BASP1: variants seen among roughly 807,000 people sequenced by gnomAD.
BASP1 encodes brain acid soluble protein 1.
BASP1 carries 1 observed loss-of-function variant against 2.2 expected under a neutral mutation model. The ratio of observed to expected loss-of-function variants is 0.46; its 90% confidence interval spans 0.16 to 2.17. The LOEUF is 2.17. Ranked by LOEUF, BASP1 falls within the 30% of genes most tolerant of loss-of-function variation. The pLI is 0.27. For synonymous variants in BASP1, 187 were observed against 154.2 expected (o/e 1.21, Z -1.58); for missense variants, 352 against 327.2 (o/e 1.08, Z -0.58).
intron 1 of BASP1, among the ~76,000 whole-genome samples, chr5:17,237,654 C>T (rs1396239746): frequency 6.7e-6 from 1 of 148,380 alleles, no homozygotes; most frequent in Non-Finnish European, 1.5e-5. Flanking sequence ...TGGAGTCTCG[C>T]TCTGCCACTC....
At chr5:17,271,645 G>T (rs1320852906) in intron 1 of BASP1, among the ~76,000 whole-genome samples, 1 of 152,164 alleles carries the variant, frequency 6.6e-6, no homozygotes, top group African/African-American at 2.4e-5. Flanking sequence ...GACTTTTTTA[G>T]TTGAAGTGAC....
At position 17,275,495 on chromosome 5, in the gene BASP1, G is replaced by A. The variant is rs1255906797; in HGVS notation, c.279G>A (p.Ala93=). Residue 93 remains alanine, a synonymous_variant, in exon 2 of 2, where the codon GCG becomes GCA. Coordinates refer to ENST00000322611, the MANE Select transcript of BASP1 (RefSeq NM_006317.5). The surrounding 1 kb of genome is among the most constrained non-coding windows in gnomAD (Gnocchi z 5.3). ...PKAEPEKTEG[A]AEAKAEPPKA... ...CGGAGCCCGAGAAGACGGAGGGCGC[G>A]GCAGAGGCCAAGGCTGAGCCCCCGA... is the stretch of plus-strand genomic sequence containing the variant. 6.8e-7 allele frequency: 1 copy of A among 1,478,728 alleles called. No homozygotes were observed. Among genetic ancestry groups the A allele is most frequent in the East Asian group, 2.5e-5 (1 of 40,436 alleles). The allele number at this position is 1,478,728 out of a possible 1,614,324, so 91.6% of individuals were successfully genotyped here. A position where few individuals can be genotyped will look rare whatever the true frequency, so the allele number is the denominator to read the frequency against.
At chr5:17,235,650 C>G (rs536006238) in intron 1 of BASP1, among the ~76,000 whole-genome samples, 62 of 152,318 alleles carry the variant, frequency 4.1e-4, no homozygotes, top group African/African-American at 1.4e-3. Flanking sequence ...GCTCCTTTCT[C>G]TTGACTCCTG....
chr5:17,275,748 G>C lies in BASP1; in HGVS notation c.532G>C (p.Glu178Gln), dbSNP rs1191863739. The change falls in exon 2 of 2, where the codon GAG becomes CAG. Residue 178 changes from glutamate (E) to glutamine (Q), a missense_variant. Physicochemically the swap from Glu to Gln is conservative, Grantham distance 29. Coordinates refer to ENST00000322611, the MANE Select transcript of BASP1 (RefSeq NM_006317.5). The surrounding 1 kb of genome is among the most constrained non-coding windows in gnomAD (Gnocchi z 5.3). Reference protein sequence around the residue: ...PASDSKPGSSEAAPSSKETPA... With the variant: ...PASDSKPGSSQAAPSSKETPA... ...TTCAGACTCAAAACCCGGCAGCTCG[G>C]AGGCTGCCCCCTCTTCCAAGGAGAC... 1 of 1,612,254 alleles carries C rather than the reference G, an allele frequency of 6.2e-7. No individual in the cohort carries two copies. The highest frequency in any genetic ancestry group is 8.5e-7 in the Non-Finnish European group (1 of 1,179,520).
At chr5:17,265,183 A>G (rs1430034603) in intron 1 of BASP1, among the ~76,000 whole-genome samples, 1 of 152,242 alleles carries the variant, frequency 6.6e-6, no homozygotes, top group Non-Finnish European at 1.5e-5. Context: ...GACCCAGTGC[A>G]TGTAACCCCC....
At chr5:17,218,362 G>A (rs1188014641) in intron 1 of BASP1, among the ~76,000 whole-genome samples, 1 of 152,100 alleles carries the variant, frequency 6.6e-6, no homozygotes, top group Non-Finnish European at 1.5e-5. Context: ...TTTTGCTTTG[G>A]CAAACGGGTT....
intron 1 of BASP1, among the ~76,000 whole-genome samples, chr5:17,271,506 T>G (rs963544911): frequency 1.3e-5 from 2 of 152,194 alleles, no homozygotes; most frequent in African/African-American, 4.8e-5. Flanking sequence ...CATAAACACA[T>G]AGAACTGAGG....
intron 1 of BASP1, among the ~76,000 whole-genome samples, chr5:17,271,710 TAGA>T (rs1740532233): frequency 6.6e-6 from 1 of 152,192 alleles, no homozygotes; most frequent in South Asian, 2.1e-4. Flanking sequence ...ATTTTAATCT[TAGA>T]AGTTCCAACT....
intron 1 of BASP1, among the ~76,000 whole-genome samples, chr5:17,252,118 G>A (rs1740113570): frequency 6.6e-6 from 1 of 152,202 alleles, no homozygotes; most frequent in South Asian, 2.1e-4. Context: ...GGGACTTGGA[G>A]ATGAGAAAGC....
chr5:17,243,481 C>T (rs1217197086), intron 1 of BASP1, among the ~76,000 whole-genome samples: 2 of 152,086 alleles, frequency 1.3e-5, no homozygotes, highest in Non-Finnish European at 2.9e-5. Flanking sequence ...CTTCAGTTTC[C>T]GGTGTCTAAC....
At position 17,275,580 on chromosome 5, in the gene BASP1, G is replaced by C. The variant is rs12666; in HGVS notation, c.364G>C (p.Ala122Pro). ...GPAAGGEAPK[A>P]AEAAAAPAES... ...CGCTGCGGGCGGCGAGGCCCCCAAA[G>C]CTGCTGAGGCCGCCGCGGCCCCGGC... Residue 122 changes from alanine to proline, a missense_variant, in exon 2 of 2, where the codon GCT becomes CCT. Transcript: ENST00000322611. The surrounding 1 kb of genome is among the most constrained non-coding windows in gnomAD (Gnocchi z 5.3). 1 of 1,404,284 alleles carries C rather than the reference G, an allele frequency of 7.1e-7. No individual in the cohort carries two copies. Among genetic ancestry groups the C allele is most frequent in the African/African-American group, 1.5e-5 (1 of 65,192 alleles). 87.0% of individuals were successfully genotyped at this position (1,404,284 alleles called of 1,614,324 possible). A position where few individuals can be genotyped will look rare whatever the true frequency, so the allele number is the denominator to read the frequency against.
chr5:17,253,748 CTG>C (rs1330093421), intron 1 of BASP1, among the ~76,000 whole-genome samples: 4 of 152,154 alleles, frequency 2.6e-5, no homozygotes, highest in African/African-American at 7.2e-5. Flanking sequence ...TGACCACCAT[CTG>C]TGTGCATCCC....
At chr5:17,241,203 G>T (rs1037127280) in intron 1 of BASP1, among the ~76,000 whole-genome samples, 1 of 151,480 alleles carries the variant, frequency 6.6e-6, no homozygotes, top group South Asian at 2.1e-4. Flanking sequence ...AGATTCAAGC[G>T]ATTCTTGTGC....
chr5:17,219,855 A>G (rs1395895718), intron 1 of BASP1, among the ~76,000 whole-genome samples: 1 of 152,234 alleles, frequency 6.6e-6, no homozygotes, highest in Non-Finnish European at 1.5e-5. Flanking sequence ...ATGGGGGCAG[A>G]AAGAAGGCAG....
At chr5:17,217,953 G>A (rs1248788338) in intron 1 of BASP1, 143 bp downstream of exon 1, 1 of 152,122 alleles carries the variant, frequency 6.6e-6, no homozygotes, top group Non-Finnish European at 1.5e-5. Context: ...TGGACGGCAA[G>A]GGCCTGGGGT....
In BASP1 at chr5:17,276,531, A is replaced by G. The variant is rs1349820504; in HGVS notation, c.*631A>G. 6.0e-6 allele frequency: 1 copy of G among 166,590 alleles called. No individual in the cohort carries two copies. The highest frequency in any genetic ancestry group is 2.4e-5 in the African/African-American group (1 of 41,248). 10.3% of individuals were successfully genotyped at this position (166,590 alleles called of 1,614,324 possible). ...CTCCAGATATTTTTGGGAGTGACAA[A>G]CATTCTCTCATCCTACTTAGCCTAC... On this transcript the variant is annotated 3_prime_UTR_variant, in exon 2 of 2. Transcript: ENST00000322611.
At chr5:17,259,298 T>G (rs1740270026) in intron 1 of BASP1, among the ~76,000 whole-genome samples, 1 of 152,172 alleles carries the variant, frequency 6.6e-6, no homozygotes. Flanking sequence ...CCTGCCCCCA[T>G]AATTTAATCA....
chr5:17,273,430 T>C (rs1259564910), intron 1 of BASP1, among the ~76,000 whole-genome samples: 1 of 152,156 alleles, frequency 6.6e-6, no homozygotes, highest in Non-Finnish European at 1.5e-5. Context: ...GAATCTTAGG[T>C]AACATCATAA....
At chr5:17,268,862 G>A (rs1325275094) in intron 1 of BASP1, among the ~76,000 whole-genome samples, 1 of 152,038 alleles carries the variant, frequency 6.6e-6, no homozygotes, top group African/African-American at 2.4e-5. Context: ...TTTTTGGGGG[G>A]TTTGCTATTA....
Sources: allele counts gnomAD v4.1 joint callset (sites outside exome capture counted in the v4.1 genomes callset), GRCh38; gene constraint gnomAD v4.1.1; non-coding constraint Gnocchi (gnomAD v3.1); transcripts MANE v1.5; gene names NCBI Gene and HGNC (gene_info 2026-07-23, HGNC 2026-07-21).